CBFA2T2: variants seen among roughly 807,000 people sequenced by gnomAD.
CBFA2T2 encodes CBFA2/RUNX1 partner transcriptional co-repressor 2.
Under a neutral mutation model 62.2 loss-of-function variants are expected in CBFA2T2, and 11 were observed. The ratio of observed to expected loss-of-function variants is 0.18; its 90% CI spans 0.11 to 0.29. CBFA2T2 has a LOEUF of 0.29. Among genes scored for constraint, CBFA2T2 ranks in the 10% least tolerant of loss-of-function variants. CBFA2T2 has a pLI of 1.00. For missense variants in CBFA2T2, 592 were observed against 774.1 expected (o/e 0.76, Z 2.79); for synonymous variants, 295 against 287.5 (o/e 1.03, Z -0.27).
At chr20:33,611,019 A>G (rs2015503397) in intron 2 of CBFA2T2, 75 bp from the exon 3 acceptor site, 1 of 1,576,932 alleles carries the variant, frequency 6.3e-7, no homozygotes, top group Non-Finnish European at 8.7e-7. Context: ...AAACGAAAAT[A>G]CAAACAAGAA....
intron 1 of CBFA2T2, among the ~76,000 whole-genome samples, chr20:33,572,668 C>T (rs1045865973): frequency 6.6e-5 from 10 of 151,910 alleles, no homozygotes; most frequent in Admixed American, 2.0e-4. Context: ...GAAAAATGGC[C>T]GATGTAGATA....
intron 1 of CBFA2T2, among the ~76,000 whole-genome samples, chr20:33,578,788 G>GTGC (rs1307162376): frequency 6.6e-6 from 1 of 152,210 alleles, no homozygotes; most frequent in East Asian, 1.9e-4. Context: ...GGATGCAAGA[G>GTGC]TGCTGGTCCG....
intron 8 of CBFA2T2, among the ~76,000 whole-genome samples, chr20:33,635,927 A>G (rs1306669359): frequency 3.3e-5 from 5 of 151,560 alleles, no homozygotes; most frequent in African/African-American, 7.3e-5. Flanking sequence ...CTCCCCCTAC[A>G]TTTTTCCATA....
intron 1 of CBFA2T2, among the ~76,000 whole-genome samples, chr20:33,502,462 A>G (rs2011305638): frequency 6.6e-6 from 1 of 150,824 alleles, no homozygotes. Flanking sequence ...GCTGGAGTGC[A>G]GTGGCCCGAT....
intron 1 of CBFA2T2, among the ~76,000 whole-genome samples, chr20:33,597,383 C>G (rs1440873147): frequency 6.6e-6 from 1 of 152,184 alleles, no homozygotes; most frequent in Non-Finnish European, 1.5e-5. Flanking sequence ...CCTTATTTAA[C>G]TGCATTCCAC....
At chr20:33,507,817 T>C (rs1432647974) in intron 1 of CBFA2T2, among the ~76,000 whole-genome samples, 1 of 152,214 alleles carries the variant, frequency 6.6e-6, no homozygotes, top group Non-Finnish European at 1.5e-5. Flanking sequence ...AGTAAATTCC[T>C]AGAAGTAGAA....
intron 3 of CBFA2T2, among the ~76,000 whole-genome samples, chr20:33,614,495 C>T (rs1458338190): frequency 6.6e-6 from 1 of 152,158 alleles, no homozygotes. Context: ...ATACAACCAT[C>T]ATCACCATCC....
At chr20:33,573,564 C>A (rs2013670723) in intron 1 of CBFA2T2, among the ~76,000 whole-genome samples, 1 of 152,066 alleles carries the variant, frequency 6.6e-6, no homozygotes, top group Non-Finnish European at 1.5e-5. Context: ...TCACTGCAAC[C>A]TCTGCCTCCT....
intron 1 of CBFA2T2, among the ~76,000 whole-genome samples, chr20:33,495,936 G>A (rs1047929687): frequency 2.6e-5 from 4 of 152,226 alleles, no homozygotes; most frequent in South Asian, 2.1e-4. Context: ...ACTTAAAACC[G>A]TGCTTGACAC....
At chr20:33,628,618 G>T (rs1376064650) in intron 7 of CBFA2T2, among the ~76,000 whole-genome samples, 183 bp downstream of exon 7, 1 of 152,086 alleles carries the variant, frequency 6.6e-6, no homozygotes, top group Non-Finnish European at 1.5e-5. Flanking sequence ...ACAGGTGTAC[G>T]CCACCGTGCC....
intron 3 of CBFA2T2, among the ~76,000 whole-genome samples, 175 bp from the exon 4 acceptor site, chr20:33,619,342 G>T (rs1485823640): frequency 6.6e-6 from 1 of 152,020 alleles, no homozygotes; most frequent in African/African-American, 2.4e-5. Context: ...AGGAGGTGGA[G>T]GTTACAGTGA....
At chr20:33,610,196 G>A (rs933209106) in intron 2 of CBFA2T2, among the ~76,000 whole-genome samples, 25 of 152,174 alleles carry the variant, frequency 1.6e-4, no homozygotes, top group African/African-American at 6.0e-4. Context: ...AGGCTGAGGT[G>A]GGAGGACACC....
intron 1 of CBFA2T2, among the ~76,000 whole-genome samples, chr20:33,509,792 G>A (rs1309993593): frequency 1.3e-5 from 2 of 151,740 alleles, no homozygotes; most frequent in African/African-American, 2.4e-5. Context: ...TCACAACACT[G>A]CAGTCCAGCC....
chr20:33,614,815 A>G (rs1258649610), intron 3 of CBFA2T2, among the ~76,000 whole-genome samples: 2 of 152,198 alleles, frequency 1.3e-5, no homozygotes, highest in Non-Finnish European at 2.9e-5. Flanking sequence ...CAATGGACAC[A>G]TGGGTTGCTG....
intron 8 of CBFA2T2, among the ~76,000 whole-genome samples, chr20:33,632,693 C>T (rs904466427): frequency 4.6e-5 from 7 of 151,822 alleles, no homozygotes; most frequent in Admixed American, 1.3e-4. Context: ...GTGATCCACC[C>T]GCCTCGTCCT....
At chr20:33,590,057 A>G (rs1301053031) in intron 1 of CBFA2T2, among the ~76,000 whole-genome samples, 2 of 151,844 alleles carry the variant, frequency 1.3e-5, no homozygotes, top group Non-Finnish European at 2.9e-5. Context: ...GTTTGAGACC[A>G]GCTAGTGAGA....
intron 1 of CBFA2T2, among the ~76,000 whole-genome samples, chr20:33,566,676 C>G (rs1375399890): frequency 1.3e-5 from 2 of 152,012 alleles, no homozygotes. Context: ...GAGAACCTTC[C>G]TAAAGGAGGT....
At chr20:33,631,608 A>C (rs533907389) in intron 8 of CBFA2T2, among the ~76,000 whole-genome samples, 1 of 150,468 alleles carries the variant, frequency 6.6e-6, no homozygotes, top group Non-Finnish European at 1.5e-5. Flanking sequence ...ATGGCTATGC[A>C]TGACCACTAC....
chr20:33,578,924 T>C (rs1264771795), intron 1 of CBFA2T2, among the ~76,000 whole-genome samples: 1 of 152,120 alleles, frequency 6.6e-6, no homozygotes, highest in Admixed American at 6.6e-5. Context: ...TGTAAAGAAA[T>C]AGCCTGAGTG....
Sources: allele counts gnomAD v4.1 joint callset (sites outside exome capture counted in the v4.1 genomes callset), GRCh38; gene constraint gnomAD v4.1.1; transcripts MANE v1.5; gene names NCBI Gene and HGNC (gene_info 2026-07-23, HGNC 2026-07-21).